ADAM9: variants seen among roughly 807,000 people sequenced by gnomAD.
The protein encoded by ADAM9 is ADAM metallopeptidase domain 9, also known as disintegrin and metalloproteinase domain-containing protein 9.
ADAM9 carries 54 observed loss-of-function variants against 108.1 expected under a neutral mutation model. The ratio of observed to expected loss-of-function variants is 0.50; its 90% CI spans 0.40 to 0.63. The LOEUF (loss-of-function observed/expected upper bound fraction) is 0.63, where lower values mean the gene tolerates loss of function less well. ADAM9 is among the 20% of genes least tolerant of loss of function. The pLI, the probability that ADAM9 is intolerant of heterozygous loss-of-function variation, is 0.00. For missense variants in ADAM9, 830 were observed against 997.7 expected, an observed-to-expected ratio of 0.83 and a Z score of 2.26; for synonymous variants, 316 against 336.0, an observed-to-expected ratio of 0.94 and a Z score of 0.65.
intron 16 of ADAM9, among the ~76,000 whole-genome samples, chr8:39,080,948 GT>G (rs397808791): frequency 9.5e-4 from 103 of 108,742 alleles, no homozygotes; most frequent in African/African-American, 1.1e-3. Flanking sequence ...CACTGTGAGA[GT>G]TTTTTTTTTT....
chr8:38,997,094 A>G lies in ADAM9; in HGVS notation c.31A>G (p.Thr11Ala). The change falls in exon 1 of 22, where the codon ACC becomes GCC. Residue 11 changes from threonine (T) to alanine (A), a missense_variant. Around this residue, in one of 3 missense-constraint regions of ADAM9, gnomAD observed 211 missense variants for 222.2 expected, o/e 0.95. Coordinates refer to ENST00000487273, the MANE Select transcript of ADAM9 (RefSeq NM_003816.3). ...GTCTGGCGCGCGCTTTCCCTCGGGG[A>G]CCCTTCGTGTCCGGTGGTTGCTGTT... MGSGARFPSGTLRVRWLLLLG... is the reference protein window; with the variant it reads MGSGARFPSGALRVRWLLLLG... 6.2e-7 allele frequency: 1 copy of G among 1,604,002 alleles called. No homozygotes were observed. The highest frequency in any genetic ancestry group is 8.5e-7 in the Non-Finnish European group (1 of 1,178,600).
At chr8:39,004,856 C>T (rs893890809) in intron 1 of ADAM9, among the ~76,000 whole-genome samples, 21 of 152,158 alleles carry the variant, frequency 1.4e-4, no homozygotes, top group African/African-American at 3.4e-4. Context: ...GCAGTGAGGA[C>T]GACCAGAGGT....
At chr8:39,058,502 A>G (rs1838197068) in intron 14 of ADAM9, among the ~76,000 whole-genome samples, 1 of 152,192 alleles carries the variant, frequency 6.6e-6, no homozygotes, top group Non-Finnish European at 1.5e-5. Flanking sequence ...ATCATGAAGC[A>G]TGGTAATACT....
intron 19 of ADAM9, among the ~76,000 whole-genome samples, chr8:39,090,679 C>T (rs1457528864): frequency 6.6e-6 from 1 of 152,166 alleles, no homozygotes; most frequent in Non-Finnish European, 1.5e-5. Flanking sequence ...CCTCAGGGTT[C>T]ATTTTGCTTA....
intron 7 of ADAM9, among the ~76,000 whole-genome samples, chr8:39,021,307 G>A (rs1270014460): frequency 6.6e-6 from 1 of 151,752 alleles, no homozygotes; most frequent in Non-Finnish European, 1.5e-5. Context: ...TTTTGAGATG[G>A]AGTTTTGCTC....
intron 11 of ADAM9, among the ~76,000 whole-genome samples, chr8:39,029,131 G>GTTTTTTT (rs35682054): frequency 1.4e-5 from 2 of 142,570 alleles, no homozygotes; most frequent in Admixed American, 7.0e-5. Context: ...TGTTGTTGTT[G>GTTTTTTT]TTTTTTTTTT....
intron 15 of ADAM9, among the ~76,000 whole-genome samples, chr8:39,075,232 C>G (rs948336055): frequency 6.6e-6 from 1 of 152,038 alleles, no homozygotes; most frequent in Non-Finnish European, 1.5e-5. Context: ...TAATTGAATT[C>G]AGGTTAAATA....
chr8:39,069,580 A>G (rs1200475033), intron 14 of ADAM9, among the ~76,000 whole-genome samples: 6 of 152,198 alleles, frequency 3.9e-5, no homozygotes, highest in Non-Finnish European at 5.9e-5. Flanking sequence ...CCTTATGAGG[A>G]AGGCAGGGCT....
At chr8:39,033,589 AAT>A (rs1837172080) in intron 11 of ADAM9, among the ~76,000 whole-genome samples, 1 of 151,898 alleles carries the variant, frequency 6.6e-6, no homozygotes, top group Admixed American at 6.6e-5. Context: ...TATATCACTT[AAT>A]ATATTTATAT....
At chr8:39,074,918 T>C (rs2129441723) in intron 15 of ADAM9, among the ~76,000 whole-genome samples, 1 of 147,728 alleles carries the variant, frequency 6.8e-6, no homozygotes, top group African/African-American at 2.5e-5. Context: ...TTTTTTTTTT[T>C]TTTTTTTGAG....
chr8:38,997,347 G>A (rs937919893), intron 1 of ADAM9, among the ~76,000 whole-genome samples, 187 bp downstream of exon 1: 1 of 152,150 alleles, frequency 6.6e-6, no homozygotes, highest in Non-Finnish European at 1.5e-5. Context: ...GGCGCCCCAA[G>A]CCCTTCTTGG....
At chr8:39,001,394 T>C (rs1835987223) in intron 1 of ADAM9, among the ~76,000 whole-genome samples, 1 of 152,220 alleles carries the variant, frequency 6.6e-6, no homozygotes, top group South Asian at 2.1e-4. Flanking sequence ...CATATTTTAT[T>C]GAATACGTAC....
chr8:39,022,839 A>C (rs1452616190), intron 8 of ADAM9, among the ~76,000 whole-genome samples: 1 of 151,792 alleles, frequency 6.6e-6, no homozygotes, highest in African/African-American at 2.4e-5. Flanking sequence ...TCAGCCTCCC[A>C]AGTAGCTGGG....
In ADAM9 at chr8:39,078,214, C is replaced by T. The variant is rs551900693; in HGVS notation, c.1881+803C>T. ...AAGATCCATATATTTTTGGTCCTGT[C>T]CTTGCAACTAAATAAACTTGATCGT... On this transcript the variant is annotated intron_variant, in intron 16 of 21. Coordinates refer to ENST00000487273, the MANE Select transcript of ADAM9 (RefSeq NM_003816.3). Among the ~76,000 whole-genome samples, 3 of 152,236 alleles carry T rather than the reference C, an allele frequency of 2.0e-5. No individual in the cohort carries two copies. The South Asian group carries it at 6.2e-4, about 32-fold the overall frequency.
In ADAM9 at chr8:39,029,230, C is replaced by G. The variant is rs528828189; in HGVS notation, c.1130+2420C>G. ...TGTTCATTACTGGATCTTGGAGAGT[C>G]TCTGTAGCCACAGGGGAGACTGACC... On this transcript the variant is annotated intron_variant, in intron 11 of 21. Transcript: ENST00000487273. Among the ~76,000 whole-genome samples, 593 of 149,484 alleles carry G rather than the reference C, an allele frequency of 4.0e-3. 3 individuals carry two copies. The highest frequency in any genetic ancestry group is 5.9e-3 in the Non-Finnish European group (401 of 67,626).
At chr8:39,009,314 A>C (rs2129432170) in intron 2 of ADAM9, among the ~76,000 whole-genome samples, 1 of 152,358 alleles carries the variant, frequency 6.6e-6, no homozygotes, top group South Asian at 2.1e-4. Flanking sequence ...ATCTTGGCTC[A>C]CTGCAGCCTC....
At chr8:39,026,620 A>G in intron 10 of ADAM9, 57 bp from the exon 11 acceptor site, 1 of 1,611,184 alleles carries the variant, frequency 6.2e-7, no homozygotes, top group Non-Finnish European at 8.5e-7. Flanking sequence ...TAATCTGAGC[A>G]GCAAAACATT....
chr8:39,062,124 G>C (rs1838318531), intron 14 of ADAM9, among the ~76,000 whole-genome samples: 2 of 152,098 alleles, frequency 1.3e-5, no homozygotes, highest in Non-Finnish European at 2.9e-5. Context: ...CATCACTTTG[G>C]GGTTAGGGCT....
At chr8:39,030,523 A>C (rs1262919434) in intron 11 of ADAM9, among the ~76,000 whole-genome samples, 1 of 152,206 alleles carries the variant, frequency 6.6e-6, no homozygotes, top group African/African-American at 2.4e-5. Flanking sequence ...GTTGCTTCTA[A>C]GCTTTGGCAA....
Sources: gnomAD v4.1 joint callset for allele counts (sites outside exome capture counted in the v4.1 genomes callset) on GRCh38, gnomAD v4.1.1 for gene constraint, gnomAD v4.1.1 regional missense constraint, MANE v1.5 for transcripts, NCBI Gene and HGNC (gene_info 2026-07-23, HGNC 2026-07-21) for gene names.